ZNF280D: variants seen among roughly 807,000 people sequenced by gnomAD.
ZNF280D encodes the protein suppressor of hairy wing homolog 4.
Under a neutral mutation model 94.7 loss-of-function variants are expected in ZNF280D, and 39 were observed. That is an observed-to-expected ratio of 0.41 (90% CI 0.32 to 0.54). The LOEUF (loss-of-function observed/expected upper bound fraction) is 0.54, where lower values mean the gene tolerates loss of function less well. Ranked by LOEUF, ZNF280D falls within the 20% of genes least tolerant of loss-of-function variation. ZNF280D has a pLI of 0.22. For missense variants in ZNF280D, 1,090 were observed against 1,149.3 expected (o/e 0.95, Z 0.75); for synonymous variants, 398 against 377.6 (o/e 1.05, Z -0.63).
At chr15:56,683,588 C>A (rs2055789390) in intron 9 of ZNF280D, among the ~76,000 whole-genome samples, 1 of 152,192 alleles carries the variant, frequency 6.6e-6, no homozygotes, top group African/African-American at 2.4e-5. Flanking sequence ...CACCATCTAT[C>A]TATCATTCTT....
intron 13 of ZNF280D, among the ~76,000 whole-genome samples, chr15:56,673,354 C>G (rs151309300): frequency 1.8e-3 from 268 of 152,038 alleles, no homozygotes; most frequent in African/African-American, 6.1e-3. Context: ...CTGCTCAAGA[C>G]AAAAAATTTA....
intron 17 of ZNF280D, chr15:56,654,806 C>T (rs1049156385): frequency 4.1e-6 from 2 of 482,386 alleles, no homozygotes; most frequent in African/African-American, 3.9e-5. Flanking sequence ...ACTTGTGTAA[C>T]TTAGGCAAGT....
chr15:56,633,650 C>T (rs2052202401), intron 21 of ZNF280D, among the ~76,000 whole-genome samples: 1 of 151,690 alleles, frequency 6.6e-6, no homozygotes, highest in South Asian at 2.1e-4. Context: ...GCCACCAAGC[C>T]CGGCTAATTT....
At chr15:56,673,052 C>A (rs1299136856) in intron 13 of ZNF280D, among the ~76,000 whole-genome samples, 1 of 151,892 alleles carries the variant, frequency 6.6e-6, no homozygotes, top group African/African-American at 2.4e-5. Context: ...AAAATAGATA[C>A]CAAAACAATA....
At position 56,632,049 on chromosome 15, in the gene ZNF280D, T is replaced by A; in HGVS notation, c.2389A>T (p.Thr797Ser). ...NANSFEGSST[T>S]KSEESITVSD... ...ACTGTTATGCTTTCTTCACTTTTTG[T>A]TGTTGATGAGCCTTCAAATGAATTT... The change falls in exon 22 of 22, where the codon ACA becomes TCA. Residue 797 changes from threonine to serine, a missense_variant. Transcript: ENST00000267807. 6.2e-7 allele frequency: 1 copy of A among 1,612,706 alleles called. No individual in the cohort carries two copies. Among genetic ancestry groups the A allele is most frequent in the Non-Finnish European group, 8.5e-7 (1 of 1,179,392 alleles).
intron 1 of ZNF280D, among the ~76,000 whole-genome samples, chr15:56,707,738 G>A (rs1027854472): frequency 2.6e-5 from 4 of 151,832 alleles, no homozygotes; most frequent in East Asian, 1.9e-4. Context: ...TTTATCAACC[G>A]AAAGGGAACA....
At chr15:56,662,830 C>CAAA (rs577795987) in intron 16 of ZNF280D, among the ~76,000 whole-genome samples, 2 of 50,858 alleles carry the variant, frequency 3.9e-5, no homozygotes, top group Non-Finnish European at 8.4e-5. Context: ...GACTCTGTCT[C>CAAA]AAAAAAAAAA....
Position 56,654,349 on chromosome 15 carries a change from T to G in ZNF280D, c.2176+36A>C, listed in dbSNP as rs769358692. The G allele has an allele frequency of 2.5e-6, 4 of 1,594,996 alleles. 1 individual carries two copies. In the South Asian group the frequency reaches 4.6e-5, roughly 18 times the overall value. On this transcript the variant is annotated intron_variant, in intron 18 of 21. Transcript: ENST00000267807. ...ATGACCAAAAATACTGGAATAAAAG[T>G]CAAAAATCTAAAGTAGCACAGTTAC...
At chr15:56,723,231 T>A (rs374538920) in intron 1 of ZNF280D, among the ~76,000 whole-genome samples, 1 of 90,882 alleles carries the variant, frequency 1.1e-5, no homozygotes, top group South Asian at 3.4e-4. Context: ...AGTATAATAA[T>A]AAAAAAATAA....
chr15:56,676,254 A>C (rs2055224257), intron 13 of ZNF280D, among the ~76,000 whole-genome samples: 1 of 152,104 alleles, frequency 6.6e-6, no homozygotes. Context: ...TAAAGTTTGA[A>C]GAGCAAAACG....
At chr15:56,652,221 A>G (rs1377169230) in intron 19 of ZNF280D, among the ~76,000 whole-genome samples, 1 of 152,144 alleles carries the variant, frequency 6.6e-6, no homozygotes, top group African/African-American at 2.4e-5. Flanking sequence ...GGTCATCTAA[A>G]CCGGCTTTAA....
chr15:56,703,833 A>G (rs576731827), intron 4 of ZNF280D, among the ~76,000 whole-genome samples: 1 of 151,328 alleles, frequency 6.6e-6, no homozygotes, highest in Admixed American at 6.6e-5. Flanking sequence ...CAGACTAGCG[A>G]CAGAGTGAGA....
At chr15:56,676,562 T>G in intron 13 of ZNF280D, 108 bp downstream of exon 13, 1 of 981,008 alleles carries the variant, frequency 1.0e-6, no homozygotes, top group South Asian at 2.6e-5. Context: ...TAGTGTCATT[T>G]GGAACAACTC....
intron 14 of ZNF280D, chr15:56,668,271 T>C (rs935723654): frequency 7.4e-6 from 3 of 403,126 alleles, no homozygotes; most frequent in African/African-American, 2.1e-5. Context: ...AGAAAACAGA[T>C]GTACATAAGG....
intron 21 of ZNF280D, 65 bp from the exon 22 acceptor site, chr15:56,632,187 T>C (rs2052110141): frequency 7.5e-7 from 1 of 1,335,570 alleles, no homozygotes; most frequent in Non-Finnish European, 9.9e-7. Flanking sequence ...ACTGTCAAAA[T>C]AAAGACGTGT....
At chr15:56,692,029 T>C (rs2056451259) in intron 7 of ZNF280D, among the ~76,000 whole-genome samples, 1 of 152,142 alleles carries the variant, frequency 6.6e-6, no homozygotes. Flanking sequence ...CTCACTGAAG[T>C]AGAACACTTA....
intron 13 of ZNF280D, among the ~76,000 whole-genome samples, chr15:56,672,446 T>C (rs1855730365): frequency 6.6e-6 from 1 of 152,126 alleles, no homozygotes; most frequent in Admixed American, 6.6e-5. Context: ...ATCATGCGAT[T>C]TTTGTCTTTA....
chr15:56,731,268 C>G (rs2058869759), intron 1 of ZNF280D, among the ~76,000 whole-genome samples: 1 of 151,914 alleles, frequency 6.6e-6, no homozygotes, highest in African/African-American at 2.4e-5. Flanking sequence ...TTTGGGAGGC[C>G]GAGGCAGGTG....
At chr15:56,700,620 A>G in intron 6 of ZNF280D, 4 of 1,251,662 alleles carry the variant, frequency 3.2e-6, no homozygotes, top group Non-Finnish European at 1.0e-6. Flanking sequence ...CCCGTCTGCA[A>G]TCTTAAATAT....
Sources: allele counts gnomAD v4.1 joint callset (sites outside exome capture counted in the v4.1 genomes callset), GRCh38; gene constraint gnomAD v4.1.1; transcripts MANE v1.5; gene names NCBI Gene and HGNC (gene_info 2026-07-23, HGNC 2026-07-21).